ERC1: variants seen among roughly 807,000 people sequenced by gnomAD.
ERC1 encodes the protein ELKS/RAB6-interacting/CAST family member 1.
ERC1 carries 56 observed loss-of-function variants against 132.0 expected under a neutral mutation model. That is an observed-to-expected ratio of 0.42 (90% CI 0.34 to 0.53). The LOEUF is 0.53. Ranked by LOEUF, ERC1 falls within the 20% of genes least tolerant of loss-of-function variation. The pLI, the probability that ERC1 is intolerant of heterozygous loss-of-function variation, is 0.03. For missense variants in ERC1, 1,202 were observed against 1,349.9 expected, an observed-to-expected ratio of 0.89 and a Z score of 1.72; for synonymous variants, 478 against 476.1, an observed-to-expected ratio of 1.00 and a Z score of -0.05.
At chr12:1,340,471 T>C (rs2083727047) in intron 15 of ERC1, among the ~76,000 whole-genome samples, 1 of 152,142 alleles carries the variant, frequency 6.6e-6, no homozygotes, top group Non-Finnish European at 1.5e-5. Flanking sequence ...AATCGGTGTC[T>C]GTGGTAGATG....
intron 15 of ERC1, among the ~76,000 whole-genome samples, chr12:1,347,882 C>G (rs2084632079): frequency 1.3e-5 from 2 of 152,132 alleles, no homozygotes; most frequent in Admixed American, 1.3e-4. Context: ...ACTCAGGAGG[C>G]TGAAGCATGA....
chr12:1,419,291 ACC>A (rs901559447), intron 17 of ERC1, among the ~76,000 whole-genome samples: 2 of 152,022 alleles, frequency 1.3e-5, no homozygotes, highest in Non-Finnish European at 2.9e-5. Context: ...CTAAGTGTTG[ACC>A]TTAATCTTTC....
intron 14 of ERC1, among the ~76,000 whole-genome samples, chr12:1,286,680 A>G (rs189150806): frequency 8.3e-4 from 126 of 152,310 alleles, no homozygotes; most frequent in Admixed American, 7.2e-3. Flanking sequence ...GTAAACTTCA[A>G]AATCTGTCAG....
chr12:1,143,961 G>A (rs933783100), intron 8 of ERC1, among the ~76,000 whole-genome samples: 3 of 151,570 alleles, frequency 2.0e-5, no homozygotes, highest in Middle Eastern at 3.2e-3. Flanking sequence ...TTAAAGGTTT[G>A]GATTTTTTTT....
At chr12:993,108 TTAAG>T (rs1959997241) in intron 1 of ERC1, among the ~76,000 whole-genome samples, 1 of 152,236 alleles carries the variant, frequency 6.6e-6, no homozygotes, top group African/African-American at 2.4e-5. Context: ...ATAATAGGTA[TTAAG>T]TGAGAAAGTG....
At chr12:1,411,571 G>T (rs1203821392) in intron 17 of ERC1, among the ~76,000 whole-genome samples, 1 of 152,174 alleles carries the variant, frequency 6.6e-6, no homozygotes, top group South Asian at 2.1e-4. Context: ...AAGCTCTTCA[G>T]GTTAGGATGC....
chr12:1,449,708 G>A (rs1038197343), intron 18 of ERC1, among the ~76,000 whole-genome samples: 7 of 152,064 alleles, frequency 4.6e-5, no homozygotes, highest in African/African-American at 7.2e-5. Flanking sequence ...TGGGTTTCTT[G>A]TAGAGAACAT....
At chr12:1,139,024 G>C (rs959094062) in intron 7 of ERC1, among the ~76,000 whole-genome samples, 1 of 152,158 alleles carries the variant, frequency 6.6e-6, no homozygotes, top group Non-Finnish European at 1.5e-5. Flanking sequence ...AAGAAAATAC[G>C]ATACCTGAGA....
At chr12:1,284,975 A>G (rs539281320) in intron 14 of ERC1, among the ~76,000 whole-genome samples, 68 of 152,226 alleles carry the variant, frequency 4.5e-4, no homozygotes, top group Non-Finnish European at 9.1e-4. Context: ...AGTGATGTCA[A>G]ACATTTTTCA....
chr12:1,164,202 G>C lies in ERC1; in HGVS notation c.1738-16338G>C, dbSNP rs370899210. On this transcript the variant is annotated intron_variant, in intron 8 of 18. Transcript: ENST00000360905. ...TGGCAGGTCACTTCTGTTGTATTCT[G>C]TTGGTCATAGTAGTCACAGAACCTG... 9.9e-5 allele frequency among the ~76,000 whole-genome samples: 15 copies of C among 151,268 alleles called. No individual in the cohort carries two copies. The East Asian group carries it at 1.9e-3, about 19-fold the overall frequency.
chr12:1,165,745 A>G (rs748901389), intron 8 of ERC1, among the ~76,000 whole-genome samples: 17 of 152,336 alleles, frequency 1.1e-4, no homozygotes, highest in Non-Finnish European at 2.2e-4. Context: ...CAATTCGTTG[A>G]TGGATATTGC....
chr12:1,367,328 T>C (rs1400178774), intron 15 of ERC1, among the ~76,000 whole-genome samples: 1 of 152,220 alleles, frequency 6.6e-6, no homozygotes, highest in African/African-American at 2.4e-5. Flanking sequence ...TTTAATCTGG[T>C]ATTTTTCCAG....
intron 12 of ERC1, among the ~76,000 whole-genome samples, 174 bp from the exon 13 acceptor site, chr12:1,236,595 C>T (rs552714498): frequency 3.9e-5 from 6 of 152,198 alleles, no homozygotes; most frequent in Admixed American, 1.3e-4. Context: ...TTTTTGTAAA[C>T]GAATGTGCTA....
intron 2 of ERC1, among the ~76,000 whole-genome samples, chr12:1,082,396 C>T (rs1028890093): frequency 7.3e-5 from 11 of 150,916 alleles, no homozygotes; most frequent in Non-Finnish European, 1.3e-4. Flanking sequence ...CCTGGTGATC[C>T]GCCTGCCTCG....
intron 7 of ERC1, among the ~76,000 whole-genome samples, chr12:1,116,849 G>A (rs1004449345): frequency 5.9e-5 from 9 of 152,184 alleles, no homozygotes; most frequent in Non-Finnish European, 1.2e-4. Flanking sequence ...CCAAAGTGCT[G>A]GGATTACAGG....
chr12:1,216,877 G>A (rs1158294352), intron 12 of ERC1, among the ~76,000 whole-genome samples: 1 of 152,118 alleles, frequency 6.6e-6, no homozygotes, highest in African/African-American at 2.4e-5. Context: ...TGAAGTGGGA[G>A]TGTTGCAGAA....
At chr12:1,026,717 C>G (rs906456311) in intron 1 of ERC1, among the ~76,000 whole-genome samples, 1 of 152,170 alleles carries the variant, frequency 6.6e-6, no homozygotes, top group African/African-American at 2.4e-5. Context: ...AAAGGAAAAT[C>G]TTATTTTCAG....
At position 1,432,990 on chromosome 12, in the gene ERC1, G is replaced by A. The variant is rs181012050; in HGVS notation, c.3025-11572G>A. On this transcript the variant is annotated intron_variant, in intron 17 of 18. Coordinates refer to ENST00000360905, the MANE Select transcript of ERC1 (RefSeq NM_178040.4). ...ACCGCCTGCATCCTCCTGGCTGTGC[G>A]GTGTTTGAATGGCCATAGCCACGGG... Among the ~76,000 whole-genome samples, 18 of 152,352 alleles carry A rather than the reference G, an allele frequency of 1.2e-4. 1 individual carries two copies. Among genetic ancestry groups the A allele is most frequent in the Non-Finnish European group, 1.5e-4 (10 of 68,028 alleles).
intron 7 of ERC1, among the ~76,000 whole-genome samples, chr12:1,128,318 C>G (rs1174627901): frequency 6.6e-6 from 1 of 152,192 alleles, no homozygotes; most frequent in Admixed American, 6.5e-5. Context: ...AATGGATGAT[C>G]AGATATGACT....
Sources: allele counts gnomAD v4.1 joint callset (sites outside exome capture counted in the v4.1 genomes callset), GRCh38; gene constraint gnomAD v4.1.1; transcripts MANE v1.5; gene names NCBI Gene and HGNC (gene_info 2026-07-23, HGNC 2026-07-21).